The following RBFOX1 variants were observed in gnomAD, a reference collection of about 807,000 sequenced individuals.
RBFOX1 encodes the protein RNA binding fox-1 homolog 1, also known as RNA binding protein fox-1 homolog 1.
In RBFOX1, 8 loss-of-function variants were observed where a neutral mutation model predicts 57.7. That is an observed-to-expected ratio of 0.14 (90% confidence interval 0.08 to 0.25). The LOEUF (loss-of-function observed/expected upper bound fraction) is 0.25, where lower values mean the gene tolerates loss of function less well. RBFOX1 is among the 10% of genes least tolerant of loss of function. The pLI, the probability that RBFOX1 is intolerant of heterozygous loss-of-function variation, is 1.00. For missense variants in RBFOX1, 611 were observed against 548.5 expected, an observed-to-expected ratio of 1.11 and a Z score of -1.14; for synonymous variants, 326 against 222.4, an observed-to-expected ratio of 1.47 and a Z score of -4.15.
chr16:7,260,407 A>G (rs1010883), intron 4 of RBFOX1, among the ~76,000 whole-genome samples: 9,412 of 152,304 alleles, frequency 0.062, 373 homozygotes, highest in Non-Finnish European at 0.084. Context: ...AACAAAAACA[A>G]TTAACCAAAG....
At chr16:7,009,178 CTCTT>C (rs370600001) in intron 3 of RBFOX1, among the ~76,000 whole-genome samples, 12 of 106,256 alleles carry the variant, frequency 1.1e-4, no homozygotes, top group African/African-American at 3.8e-4. Context: ...TCCTCTCTTG[CTCTT>C]TCTCTTTCTC....
intron 1 of RBFOX1, among the ~76,000 whole-genome samples, chr16:6,064,866 C>T (rs2095739209): frequency 2.0e-5 from 3 of 151,932 alleles, no homozygotes; most frequent in Admixed American, 2.0e-4. Context: ...ATTTGAATTG[C>T]ACACACACAC....
At chr16:7,257,148 C>T (rs180844525) in intron 4 of RBFOX1, among the ~76,000 whole-genome samples, 60 of 152,244 alleles carry the variant, frequency 3.9e-4, no homozygotes, top group Non-Finnish European at 2.5e-4. Context: ...TTCGGAAAAC[C>T]CTTTCCGGTC....
At chr16:6,151,444 C>A (rs1438820011) in intron 1 of RBFOX1, among the ~76,000 whole-genome samples, 1 of 152,088 alleles carries the variant, frequency 6.6e-6, no homozygotes, top group East Asian at 1.9e-4. Context: ...CTTCACCACA[C>A]CCGGCTAATT....
At chr16:5,812,705 T>A (rs192497580) in intron 3 of RBFOX1, among the ~76,000 whole-genome samples, 2 of 152,264 alleles carry the variant, frequency 1.3e-5, no homozygotes, top group East Asian at 3.9e-4. Flanking sequence ...CAAGCAGTCC[T>A]TTCACCTCTG....
At chr16:7,008,111 C>T (rs987436283) in intron 3 of RBFOX1, among the ~76,000 whole-genome samples, 1 of 152,108 alleles carries the variant, frequency 6.6e-6, no homozygotes, top group Non-Finnish European at 1.5e-5. Context: ...TTTATTGTTT[C>T]ATGTACAAGT....
intron 4 of RBFOX1, among the ~76,000 whole-genome samples, chr16:7,438,056 A>C (rs942995685): frequency 6.6e-6 from 1 of 152,152 alleles, no homozygotes; most frequent in Non-Finnish European, 1.5e-5. Flanking sequence ...ATTGTATTTA[A>C]AATTATAGTT....
At position 7,104,366 on chromosome 16, in the gene RBFOX1, T is replaced by G. The variant is rs944346660; in HGVS notation, c.27+52268T>G. ...CAGTGTAGCTTGAACATCTACTTAA[T>G]CAGTCTGGTACCTCATCCCCATCAG... On this transcript the variant is annotated intron_variant, in intron 4 of 15. Coordinates refer to ENST00000550418, the MANE Select transcript of RBFOX1 (RefSeq NM_018723.4). 4.6e-5 allele frequency among the ~76,000 whole-genome samples: 7 copies of G among 152,284 alleles called. No individual in the cohort carries two copies. In the South Asian group the frequency reaches 1.5e-3, roughly 32 times the overall value.
chr16:7,524,098 T>C lies in RBFOX1; in HGVS notation c.270+5709T>C, dbSNP rs74010549. ...AGCTCTAACTCTTCTTTGACATATG[T>C]ATCCACGATGCTTAATATCATTCTA... On this transcript the variant is annotated intron_variant, in intron 5 of 15. Transcript: ENST00000550418. 1.4e-3 allele frequency among the ~76,000 whole-genome samples: 212 copies of C among 152,338 alleles called. 1 individual carries two copies. The highest frequency in any genetic ancestry group is 5.0e-3 in the African/African-American group (209 of 41,584).
At chr16:5,874,834 G>T (rs1270191565) in intron 4 of RBFOX1, among the ~76,000 whole-genome samples, 1 of 152,084 alleles carries the variant, frequency 6.6e-6, no homozygotes, top group Non-Finnish European at 1.5e-5. Context: ...AATCTTGGCT[G>T]CTCAGGAGGC....
intron 3 of RBFOX1, among the ~76,000 whole-genome samples, chr16:6,856,119 T>TCCTTCCCTTCCCTTTACCTTC (rs2057850753): frequency 6.6e-6 from 1 of 151,750 alleles, no homozygotes; most frequent in African/African-American, 2.4e-5. Flanking sequence ...TTCTTCCCTT[T>TCCTTCCCTTCCCTTTACCTTC]CCTTCCCTTC....
chr16:6,502,690 C>G (rs2095973018), intron 2 of RBFOX1, among the ~76,000 whole-genome samples: 1 of 152,096 alleles, frequency 6.6e-6, no homozygotes, highest in Non-Finnish European at 1.5e-5. Flanking sequence ...TTTACCTCTG[C>G]TAATTTTTGC....
At chr16:5,401,171 T>C (rs994656048) in intron 1 of RBFOX1, among the ~76,000 whole-genome samples, 1 of 152,200 alleles carries the variant, frequency 6.6e-6, no homozygotes, top group Non-Finnish European at 1.5e-5. Flanking sequence ...TGGCTAAAGG[T>C]TTATTTATAC....
intron 2 of RBFOX1, among the ~76,000 whole-genome samples, chr16:6,353,692 G>A (rs2086793866): frequency 6.6e-6 from 1 of 152,102 alleles, no homozygotes; most frequent in African/African-American, 2.4e-5. Context: ...TCCCTGTAGT[G>A]TCACTTGGTT....
At position 7,345,269 on chromosome 16, in the gene RBFOX1, C is replaced by T. The variant is rs530199671; in HGVS notation, c.28-172878C>T. ...TTACTGTGGTGGTGTGTTATTTCTC[C>T]CTCTACAGCTCTGCATTTGTTTTGG... On this transcript the variant is annotated intron_variant, in intron 4 of 15. Coordinates refer to ENST00000550418, the MANE Select transcript of RBFOX1 (RefSeq NM_018723.4). Among the ~76,000 whole-genome samples, 7 of 152,240 alleles carry T rather than the reference C, an allele frequency of 4.6e-5. No homozygotes were observed. In the South Asian group the frequency reaches 1.5e-3, roughly 32 times the overall value.
intron 4 of RBFOX1, among the ~76,000 whole-genome samples, chr16:7,091,060 G>A (rs1278098823): frequency 1.3e-5 from 2 of 152,092 alleles, no homozygotes; most frequent in African/African-American, 2.4e-5. Flanking sequence ...CTCAAGTCTT[G>A]GACCAAATGG....
chr16:7,593,746 C>T (rs1230753169), intron 7 of RBFOX1, among the ~76,000 whole-genome samples: 2 of 151,940 alleles, frequency 1.3e-5, no homozygotes, highest in Non-Finnish European at 2.9e-5. Flanking sequence ...CTTCTATACT[C>T]ACATTCCACG....
intron 2 of RBFOX1, among the ~76,000 whole-genome samples, chr16:6,605,319 C>G (rs1448339291): frequency 6.6e-6 from 1 of 152,108 alleles, no homozygotes; most frequent in Non-Finnish European, 1.5e-5. Flanking sequence ...TTCACCTTCC[C>G]AACATGTTAG....
rs146025147 is a variant in RBFOX1 at position 6,053,135 on chromosome 16, C to T, written c.-127+33143C>T. Among the ~76,000 whole-genome samples, 102 of 152,288 alleles carry T rather than the reference C, an allele frequency of 6.7e-4. 1 individual carries two copies. In the East Asian group the frequency reaches 0.013, roughly 19 times the overall value. ...ACTTGGGGCTGAGCGGTACCTTACA[C>T]ACAGTGAGGCCTCCGCTATTATTTG... is the stretch of plus-strand genomic sequence containing the variant. On this transcript the variant is annotated intron_variant, in intron 1 of 15. Transcript: ENST00000550418.
Sources: gnomAD v4.1 joint callset for allele counts (sites outside exome capture counted in the v4.1 genomes callset) on GRCh38, gnomAD v4.1.1 for gene constraint, MANE v1.5 for transcripts, NCBI Gene and HGNC (gene_info 2026-07-23, HGNC 2026-07-21) for gene names.